Variants in WDR19 observed in about 807,000 individuals in gnomAD.
The protein encoded by WDR19 is WD repeat-containing protein 19.
In WDR19, 121 loss-of-function variants were observed where a neutral mutation model predicts 180.0. The ratio of observed to expected loss-of-function variants is 0.67; its 90% CI spans 0.58 to 0.78. WDR19 has a LOEUF of 0.78. WDR19 is among the 30% of genes least tolerant of loss of function. WDR19 has a pLI of 0.00. For missense variants in WDR19, 1,450 were observed against 1,640.7 expected, an observed-to-expected ratio of 0.88 and a Z score of 2.01; for synonymous variants, 497 against 540.7, an observed-to-expected ratio of 0.92 and a Z score of 1.12.
chr4:39,232,382 TGGGA>T, intron 19 of WDR19, 110 bp downstream of exon 19: 1 of 873,848 alleles, frequency 1.1e-6, no homozygotes, highest in Non-Finnish European at 1.8e-6. Flanking sequence ...TCCAGCACTT[TGGGA>T]GGCCAAGGTG....
chr4:39,225,371 C>T (rs1325533309), intron 15 of WDR19, among the ~76,000 whole-genome samples: 2 of 152,150 alleles, frequency 1.3e-5, no homozygotes, highest in African/African-American at 2.4e-5. Context: ...TCCCAATAGG[C>T]AGTGAGCTTA....
chr4:39,202,694 A>G (rs796310388), intron 6 of WDR19, among the ~76,000 whole-genome samples: 4 of 151,922 alleles, frequency 2.6e-5, no homozygotes, highest in African/African-American at 9.6e-5. Context: ...ATGCACTTAA[A>G]AAAAAAACTG....
At chr4:39,204,487 AAGT>A (rs1727745050) in intron 7 of WDR19, among the ~76,000 whole-genome samples, 1 of 152,246 alleles carries the variant, frequency 6.6e-6, no homozygotes, top group African/African-American at 2.4e-5. Context: ...ATATTTAATA[AAGT>A]AGTAGTTCTT....
rs1473209903 is a variant in WDR19 at position 39,192,865 on chromosome 4, C to T, written c.291-1679C>T. Among the ~76,000 whole-genome samples the T allele has an allele frequency of 3.3e-5, 5 of 152,112 alleles. No individual in the cohort carries two copies. The East Asian group carries it at 9.6e-4, about 29-fold the overall frequency. On this transcript the variant is annotated intron_variant, in intron 4 of 36. Coordinates refer to ENST00000399820, the MANE Select transcript of WDR19 (RefSeq NM_025132.4). Reference sequence around the variant, plus strand: ...AAGGAGTTCTGCCCAGGAATGGGCCCAGCAGTTATCCCTCCCTCACTCAGT... The same window carrying T: ...AAGGAGTTCTGCCCAGGAATGGGCCTAGCAGTTATCCCTCCCTCACTCAGT...
intron 20 of WDR19, among the ~76,000 whole-genome samples, chr4:39,236,801 C>G (rs562998499): frequency 1.3e-5 from 2 of 152,274 alleles, no homozygotes; most frequent in South Asian, 4.1e-4. Context: ...ATTCCATAAT[C>G]TATTCTGAGA....
rs546013696 is a variant in WDR19 at position 39,218,289 on chromosome 4, G to A, written c.1479+184G>A. On this transcript the variant is annotated intron_variant, in intron 14 of 36. Transcript: ENST00000399820. Reference sequence around the variant, plus strand: ...GCAGTGGGGATACATTCTGAGAAACGTGTCATTGGGCAATTTCATCATTGT... The same window carrying A: ...GCAGTGGGGATACATTCTGAGAAACATGTCATTGGGCAATTTCATCATTGT... 8.5e-5 allele frequency: 65 copies of A among 768,616 alleles called. No individual in the cohort carries two copies. In the African/African-American group the frequency reaches 8.9e-4, roughly 11 times the overall value. The allele number at this position is 768,616 out of a possible 1,614,324, so 47.6% of individuals were successfully genotyped here.
At chr4:39,189,244 C>T (rs1448124250) in intron 3 of WDR19, among the ~76,000 whole-genome samples, 1 of 152,058 alleles carries the variant, frequency 6.6e-6, no homozygotes, top group Non-Finnish European at 1.5e-5. Flanking sequence ...TTATCAATAC[C>T]TTCTTGTCCT....
At chr4:39,212,364 G>A (rs1480485018) in intron 9 of WDR19, among the ~76,000 whole-genome samples, 1 of 152,102 alleles carries the variant, frequency 6.6e-6, no homozygotes, top group Non-Finnish European at 1.5e-5. Flanking sequence ...AAACATAGGA[G>A]GATATCTTTT....
intron 30 of WDR19, among the ~76,000 whole-genome samples, chr4:39,269,227 C>T (rs77893843): frequency 1.0e-3 from 153 of 152,236 alleles, no homozygotes; most frequent in Non-Finnish European, 1.8e-3. Flanking sequence ...GCGTGAGTGG[C>T]GCCATTGGAG....
At chr4:39,222,511 TC>T (rs775842703) in intron 14 of WDR19, among the ~76,000 whole-genome samples, 1 of 152,198 alleles carries the variant, frequency 6.6e-6, no homozygotes, top group Non-Finnish European at 1.5e-5. Context: ...CAAAATTTTT[TC>T]CTATGTTTTC....
intron 6 of WDR19, among the ~76,000 whole-genome samples, chr4:39,201,174 C>T (rs1169163199): frequency 6.6e-6 from 1 of 152,128 alleles, no homozygotes; most frequent in Non-Finnish European, 1.5e-5. Context: ...AGGTTCCTTC[C>T]ATCTTATTGC....
chr4:39,223,392 G>A (rs900285011), intron 14 of WDR19, among the ~76,000 whole-genome samples: 10 of 152,252 alleles, frequency 6.6e-5, no homozygotes, highest in East Asian at 5.8e-4. Flanking sequence ...GTGCAGTGGC[G>A]CGATCTCAGC....
intron 17 of WDR19, among the ~76,000 whole-genome samples, chr4:39,230,347 A>G (rs1218565659): frequency 6.6e-6 from 1 of 152,136 alleles, no homozygotes; most frequent in Non-Finnish European, 1.5e-5. Context: ...CTGCTCCAGG[A>G]AGCCTTCCCC....
rs747105194 is a variant in WDR19 at position 39,228,280 on chromosome 4, C to A, written c.1700C>A (p.Pro567Gln). 6.2e-7 allele frequency: 1 copy of A among 1,613,368 alleles called. No homozygotes were observed. Among genetic ancestry groups the A allele is most frequent in the Non-Finnish European group, 8.5e-7 (1 of 1,179,608 alleles). The change falls in exon 16 of 37, where the codon CCA becomes CAA. Residue 567 changes from proline (P) to glutamine (Q), a missense_variant. Physicochemically the swap from Pro to Gln is moderately conservative, Grantham distance 76 (BLOSUM62 -1). Coordinates refer to ENST00000399820, the MANE Select transcript of WDR19 (RefSeq NM_025132.4). Reference sequence around the variant, plus strand: ...AAAGGTGTTCTTTGGGAAAACTGGCCAATGGATAAAGGTGTATTTATTGCT... The same window carrying A: ...AAAGGTGTTCTTTGGGAAAACTGGCAAATGGATAAAGGTGTATTTATTGCT... ...TIKGVLWENW[P>Q]MDKGVFIAYD...
At chr4:39,220,929 T>C (rs566762977) in intron 14 of WDR19, among the ~76,000 whole-genome samples, 14 of 145,984 alleles carry the variant, frequency 9.6e-5, no homozygotes, top group African/African-American at 3.3e-4. Context: ...CCTTTGTTGC[T>C]TGGGCTGGTC....
chr4:39,284,466 G>A (rs1736941485), intron 36 of WDR19, among the ~76,000 whole-genome samples: 1 of 147,302 alleles, frequency 6.8e-6, no homozygotes, highest in Non-Finnish European at 1.5e-5. Flanking sequence ...AGCCTTGCAA[G>A]TAGCTATGAC....
chr4:39,273,659 C>G (rs189359896), intron 32 of WDR19: 2 of 152,274 alleles, frequency 1.3e-5, no homozygotes, highest in Admixed American at 6.5e-5. Context: ...GTTCCAGATG[C>G]GAGCCGAGGG....
At chr4:39,239,785 C>T (rs74474573) in intron 20 of WDR19, among the ~76,000 whole-genome samples, 1,549 of 152,320 alleles carry the variant, frequency 0.01, 32 homozygotes, top group African/African-American at 0.035. Flanking sequence ...TAATGACAGA[C>T]TGCACTTTGA....
At chr4:39,222,285 G>A (rs915962931) in intron 14 of WDR19, among the ~76,000 whole-genome samples, 2 of 152,098 alleles carry the variant, frequency 1.3e-5, no homozygotes, top group African/African-American at 4.8e-5. Context: ...TGATTTATGA[G>A]AGTTCTTTAT....
Sources: allele counts gnomAD v4.1 joint callset (sites outside exome capture counted in the v4.1 genomes callset), GRCh38; gene constraint gnomAD v4.1.1; transcripts MANE v1.5; gene names NCBI Gene and HGNC (gene_info 2026-07-23, HGNC 2026-07-21).